ATRX: variants seen among roughly 807,000 people sequenced by gnomAD.
The protein encoded by ATRX is chromatin remodeler ATRX.
Under a neutral mutation model 172.6 loss-of-function variants are expected in ATRX, and 12 were observed. That is an observed-to-expected ratio of 0.07 (90% CI 0.04 to 0.11). The LOEUF (loss-of-function observed/expected upper bound fraction) is 0.11, where lower values mean the gene tolerates loss of function less well. Among genes scored for constraint, ATRX ranks in the 10% least tolerant of loss-of-function variants. ATRX has a pLI of 1.00. For synonymous variants in ATRX, 674 were observed against 594.7 expected (o/e 1.13, Z -1.94); for missense variants, 1,368 against 1,767.4 (o/e 0.77, Z 4.05).
rs1215502932 is a variant in ATRX, at chrX:77,506,774, C to T, written c.*1577G>A. The T allele has an allele frequency of 5.8e-5, 10 of 172,582 alleles. No homozygotes were observed. The highest frequency in any genetic ancestry group is 1.7e-3 in the Middle Eastern group (1 of 574). The allele number at this position is 172,582 out of a possible 1,213,427, so 14.2% of individuals were successfully genotyped here. On this transcript the variant is annotated 3_prime_UTR_variant, in exon 35 of 35. Transcript: ENST00000373344. ...ATCCTAGTGCTCTTGGATGTTTTAC[C>T]ACTAGTTCTTCCAAGATAAAAATGG... is the stretch of plus-strand genomic sequence containing the variant.
rs1405818899 is a variant in ATRX at position 77,629,925 on chromosome X, T to C, written c.5134+3282A>G. Among the ~76,000 whole-genome samples the C allele has an allele frequency of 2.7e-5, 3 of 112,428 alleles. No homozygotes were observed. The South Asian group carries it at 1.1e-3, about 41-fold the overall frequency. On this transcript the variant is annotated intron_variant, in intron 19 of 34. Coordinates refer to ENST00000373344, the MANE Select transcript of ATRX (RefSeq NM_000489.6). The stretch of plus-strand genomic sequence containing the variant: ...GAAAAAGTAAAACTATTTCTACTCA[T>C]AGACTATGATTTTCTTAATAGAAAA...
intron 22 of ATRX, among the ~76,000 whole-genome samples, chrX:77,612,249 C>CTA (rs2067187619): frequency 9.0e-6 from 1 of 111,588 alleles, no homozygotes; most frequent in Admixed American, 9.6e-5. Context: ...GAATCAATCT[C>CTA]TAAAGAGTGG....
At chrX:77,548,445 T>A (rs1466120995) in intron 30 of ATRX, among the ~76,000 whole-genome samples, 1 of 111,637 alleles carries the variant, frequency 9.0e-6, no homozygotes, top group Non-Finnish European at 1.9e-5. Context: ...GACAATGACA[T>A]CAAACCTTAT....
chrX:77,508,167 T>C lies in ATRX; in HGVS notation c.*184A>G. ...GTAAGAAGATTCTAGGCAACATCAC[T>C]GACAAATGTCAGGAAGAAATGGTAT... On this transcript the variant is annotated 3_prime_UTR_variant, in exon 35 of 35. Transcript: ENST00000373344. 1 of 486,832 alleles carries C rather than the reference T, an allele frequency of 2.1e-6. No homozygotes were observed. Among genetic ancestry groups the C allele is most frequent in the South Asian group, 3.5e-5 (1 of 28,898 alleles). 40.1% of individuals were successfully genotyped at this position (486,832 alleles called of 1,213,427 possible).
chrX:77,565,847 C>T (rs1482799100), intron 28 of ATRX, among the ~76,000 whole-genome samples: 2 of 107,039 alleles, frequency 1.9e-5, no homozygotes, highest in South Asian at 8.2e-4. Context: ...GAGTGAGACC[C>T]TGTCTCAAAA....
chrX:77,527,719 C>G lies in ATRX; in HGVS notation c.6700-4318G>C, dbSNP rs782440127. 5.8e-3 allele frequency among the ~76,000 whole-genome samples: 651 copies of G among 111,856 alleles called. 2 individuals carry two copies. Among genetic ancestry groups the G allele is most frequent in the African/African-American group, 0.02 (623 of 30,791 alleles). ...CTCGGCAGGCCCCATTTCCATCGCA[C>G]CTCACAGGCTAAGACCCACTGGCTT... is the stretch of plus-strand genomic sequence containing the variant. On this transcript the variant is annotated intron_variant, in intron 30 of 34. Coordinates refer to ENST00000373344, the MANE Select transcript of ATRX (RefSeq NM_000489.6).
chrX:77,642,090 G>A (rs1569534271), intron 15 of ATRX, among the ~76,000 whole-genome samples: 1 of 110,993 alleles, frequency 9.0e-6, no homozygotes, highest in Non-Finnish European at 1.9e-5. Flanking sequence ...AGCCACTCCA[G>A]AAGCTGAGGC....
chrX:77,607,547 C>T (rs2066960810), intron 22 of ATRX, among the ~76,000 whole-genome samples: 1 of 109,227 alleles, frequency 9.2e-6, no homozygotes. Context: ...AACCCTGCCT[C>T]TACTAAAAAT....
At chrX:77,686,791 CA>C (rs782395011) in intron 7 of ATRX, among the ~76,000 whole-genome samples, 1 of 111,102 alleles carries the variant, frequency 9.0e-6, no homozygotes, top group Non-Finnish European at 1.9e-5. Flanking sequence ...CTAACTATCT[CA>C]AGAATTAATG....
chrX:77,607,269 G>A (rs1238697927), intron 22 of ATRX, among the ~76,000 whole-genome samples: 1 of 112,020 alleles, frequency 8.9e-6, no homozygotes, highest in Non-Finnish European at 1.9e-5. Context: ...AAAACTATTC[G>A]AACTGATCAG....
intron 22 of ATRX, among the ~76,000 whole-genome samples, chrX:77,605,310 C>T (rs782697797): frequency 1.8e-5 from 2 of 110,832 alleles, no homozygotes; most frequent in Non-Finnish European, 3.8e-5. Context: ...CGCCTGTAAT[C>T]CCAGCTACTT....
At chrX:77,616,013 GACACAC>G (rs782794196) in intron 22 of ATRX, 24 of 746,044 alleles carry the variant, frequency 3.2e-5, no homozygotes, top group Admixed American at 9.1e-5. Context: ...GAGAGACACA[GACACAC>G]ACACACACAC....
chrX:77,686,881 T>G (rs1386628660), intron 7 of ATRX, among the ~76,000 whole-genome samples: 3 of 109,075 alleles, frequency 2.8e-5, no homozygotes, highest in African/African-American at 1.0e-4. Flanking sequence ...GCTGGGTGTT[T>G]GGTGGCTCAT....
At position 77,687,185 on chromosome X, in the gene ATRX, A is replaced by C. The variant is rs781833091; in HGVS notation, c.594+1633T>G. 3.7e-5 allele frequency among the ~76,000 whole-genome samples: 4 copies of C among 109,525 alleles called. No homozygotes were observed. In the East Asian group the frequency reaches 1.1e-3, roughly 31 times the overall value. On this transcript the variant is annotated intron_variant, in intron 7 of 34. Coordinates refer to ENST00000373344, the MANE Select transcript of ATRX (RefSeq NM_000489.6). ...AAAAAAAAAAAAAAAAAAAGTTTAC[A>C]AAAGATTTTAGTAAAGCTAATTTCT...
intron 30 of ATRX, among the ~76,000 whole-genome samples, chrX:77,552,115 A>G (rs1329449304): frequency 9.0e-6 from 1 of 111,522 alleles, no homozygotes; most frequent in Non-Finnish European, 1.9e-5. Context: ...CAATCCCATT[A>G]CTGGGTATAT....
intron 1 of ATRX, among the ~76,000 whole-genome samples, chrX:77,755,970 A>T (rs1557189963): frequency 1.8e-5 from 2 of 112,424 alleles, no homozygotes. Context: ...CCCACAGGTT[A>T]TCTGTCCCAG....
chrX:77,744,220 G>A (rs1273386162), intron 1 of ATRX, among the ~76,000 whole-genome samples: 2 of 112,184 alleles, frequency 1.8e-5, no homozygotes, highest in African/African-American at 6.5e-5. Flanking sequence ...AGGAGGCTGA[G>A]GCAGAAGGAT....
At chrX:77,532,924 A>G (rs2063627004) in intron 30 of ATRX, among the ~76,000 whole-genome samples, 1 of 112,311 alleles carries the variant, frequency 8.9e-6, no homozygotes, top group African/African-American at 3.2e-5. Context: ...CAGAATCTAC[A>G]AGACATTTAA....
intron 28 of ATRX, among the ~76,000 whole-genome samples, chrX:77,571,696 C>G (rs2065419513): frequency 9.0e-6 from 1 of 111,499 alleles, no homozygotes; most frequent in Non-Finnish European, 1.9e-5. Flanking sequence ...ACACTGTCAA[C>G]TTCTTAGTTT....
Sources: gnomAD v4.1 joint callset for allele counts (sites outside exome capture counted in the v4.1 genomes callset) on GRCh38, gnomAD v4.1.1 for gene constraint, MANE v1.5 for transcripts, NCBI Gene and HGNC (gene_info 2026-07-23, HGNC 2026-07-21) for gene names.